IGSF11: variants seen among roughly 807,000 people sequenced by gnomAD.
IGSF11 encodes the protein CXADR like 1.
IGSF11 carries 22 observed loss-of-function variants against 41.0 expected under a neutral mutation model. That is an observed-to-expected ratio of 0.54 (90% CI 0.38 to 0.77). The LOEUF (loss-of-function observed/expected upper bound fraction) is 0.77. Ranked by LOEUF, IGSF11 falls within the 30% of genes least tolerant of loss-of-function variation. The probability of loss-of-function intolerance (pLI) is 0.00; values close to 1 mark genes in which losing one functional copy is unlikely to be tolerated. For missense variants in IGSF11, 444 were observed against 530.8 expected (o/e 0.84, Z 1.61); for synonymous variants, 219 against 201.3 (o/e 1.09, Z -0.74).
chr3:118,940,443 C>A (rs1288967516), intron 1 of IGSF11, among the ~76,000 whole-genome samples: 1 of 152,060 alleles, frequency 6.6e-6, no homozygotes, highest in Non-Finnish European at 1.5e-5. Context: ...GCATCCAAAA[C>A]ATGAAATACT....
chr3:118,924,937 G>A (rs551758023), intron 4 of IGSF11, among the ~76,000 whole-genome samples: 2 of 152,176 alleles, frequency 1.3e-5, no homozygotes, highest in South Asian at 4.1e-4. Context: ...GTCAAGACAA[G>A]GGCTATTTTA....
intron 1 of IGSF11, among the ~76,000 whole-genome samples, chr3:119,071,140 A>G (rs1269918630): frequency 6.6e-6 from 1 of 152,202 alleles, no homozygotes; most frequent in African/African-American, 2.4e-5. Flanking sequence ...AGCTTCTATG[A>G]AACAACTGGA....
intron 1 of IGSF11, among the ~76,000 whole-genome samples, chr3:119,013,763 C>T (rs948087261): frequency 6.6e-6 from 1 of 152,182 alleles, no homozygotes; most frequent in Non-Finnish European, 1.5e-5. Flanking sequence ...CAGTGGACAA[C>T]GTGTGTCTTG....
At chr3:118,923,442 G>A (rs141342830) in intron 4 of IGSF11, among the ~76,000 whole-genome samples, 118 of 152,278 alleles carry the variant, frequency 7.7e-4, no homozygotes, top group African/African-American at 2.5e-3. Context: ...TATCAAAGTC[G>A]AGAAATTTAA....
At chr3:118,925,009 CA>C (rs1559905532) in intron 4 of IGSF11, among the ~76,000 whole-genome samples, 1 of 152,076 alleles carries the variant, frequency 6.6e-6, no homozygotes, top group African/African-American at 2.4e-5. Context: ...ATTTAGCCAA[CA>C]ATGTGGCTGA....
In IGSF11 at chr3:119,123,148, A is replaced by T. The variant is rs1049811957; in HGVS notation, c.-13-17943T>A. 2.6e-5 allele frequency among the ~76,000 whole-genome samples: 4 copies of T among 152,256 alleles called. 1 individual carries two copies. Among genetic ancestry groups the T allele is most frequent in the East Asian group, 1.9e-4 (1 of 5,184 alleles). On this transcript the variant is annotated intron_variant, in intron 1 of 7. Transcript: ENST00000425327. ...GAAAAGTGAGTCCCAGCCTGGCACCATTCACCACAAGCTTCCTGAGGAGCC... is the reference window on the plus strand; with the variant it reads ...GAAAAGTGAGTCCCAGCCTGGCACCTTTCACCACAAGCTTCCTGAGGAGCC...
In IGSF11 at chr3:119,145,646, A is replaced by G. The variant is rs571980231; in HGVS notation, c.-14+167T>C. Among the ~76,000 whole-genome samples, 8 of 152,314 alleles carry G rather than the reference A, an allele frequency of 5.3e-5. No homozygotes were observed. In the South Asian group the frequency reaches 1.5e-3, roughly 28 times the overall value. On this transcript the variant is annotated intron_variant, in intron 1 of 7. Transcript: ENST00000425327. ...CACAGATCACATGTCTAATCCAGCA[A>G]GAAAACACCTTGGGGCAGGAGTTTC...
intron 1 of IGSF11, among the ~76,000 whole-genome samples, chr3:119,083,366 G>A (rs1459075558): frequency 6.6e-6 from 1 of 151,970 alleles, no homozygotes; most frequent in African/African-American, 2.4e-5. Context: ...GCCTCCCAGA[G>A]TGCTGGGATT....
At chr3:119,145,979 G>GT in exon 1 of IGSF11, 1 of 553,358 alleles carries the variant, frequency 1.8e-6, no homozygotes, top group Non-Finnish European at 3.2e-6. Context: ...AGGACATGGC[G>GT]TACTCCCTGC....
chr3:119,075,690 T>G (rs1391942486), intron 1 of IGSF11, among the ~76,000 whole-genome samples: 4 of 152,306 alleles, frequency 2.6e-5, no homozygotes, highest in Admixed American at 2.6e-4. Flanking sequence ...AATCAATAAA[T>G]GTGATTCATC....
At chr3:118,954,577 G>C (rs1198475659) in intron 1 of IGSF11, among the ~76,000 whole-genome samples, 1 of 152,076 alleles carries the variant, frequency 6.6e-6, no homozygotes, top group Non-Finnish European at 1.5e-5. Context: ...ATCTGGAATT[G>C]TAAATCCTTT....
chr3:118,983,156 T>G (rs558359961), intron 1 of IGSF11, among the ~76,000 whole-genome samples: 1 of 152,338 alleles, frequency 6.6e-6, no homozygotes, highest in Non-Finnish European at 1.5e-5. Context: ...ACTGCCTCTG[T>G]CACAATAAGA....
At chr3:118,933,436 A>G (rs1943009321) in intron 1 of IGSF11, among the ~76,000 whole-genome samples, 1 of 148,444 alleles carries the variant, frequency 6.7e-6, no homozygotes, top group East Asian at 1.9e-4. Context: ...CACCAAGTCC[A>G]CATTAAGCTC....
At chr3:119,078,331 T>C (rs1352138872) in intron 1 of IGSF11, among the ~76,000 whole-genome samples, 2 of 152,070 alleles carry the variant, frequency 1.3e-5, no homozygotes, top group African/African-American at 2.4e-5. Context: ...CCATGACCAA[T>C]GGTACACCAA....
At chr3:119,134,973 T>C (rs1328012185) in intron 1 of IGSF11, among the ~76,000 whole-genome samples, 1 of 152,224 alleles carries the variant, frequency 6.6e-6, no homozygotes. Flanking sequence ...AATGATTCCC[T>C]ATTTAAAAGT....
intron 1 of IGSF11, among the ~76,000 whole-genome samples, chr3:118,987,291 T>C (rs1054490982): frequency 6.6e-6 from 1 of 152,218 alleles, no homozygotes; most frequent in Non-Finnish European, 1.5e-5. Context: ...TCCCAGAGGA[T>C]GAGAACACCT....
intron 4 of IGSF11, among the ~76,000 whole-genome samples, chr3:118,909,773 A>G (rs1940050449): frequency 6.6e-6 from 1 of 152,238 alleles, no homozygotes; most frequent in Non-Finnish European, 1.5e-5. Flanking sequence ...GCTTTTGCCA[A>G]ATCAGATTTT....
At chr3:118,967,508 C>A (rs780065699) in intron 1 of IGSF11, among the ~76,000 whole-genome samples, 7 of 152,236 alleles carry the variant, frequency 4.6e-5, no homozygotes, top group Admixed American at 1.3e-4. Context: ...AATGGAGCTG[C>A]CTCCATCTCC....
intron 1 of IGSF11, among the ~76,000 whole-genome samples, chr3:119,026,175 G>A (rs1475934945): frequency 6.6e-6 from 1 of 152,148 alleles, no homozygotes; most frequent in East Asian, 1.9e-4. Context: ...CCTAGAATAT[G>A]TTACTTTTAG....
Sources: allele counts gnomAD v4.1 joint callset (sites outside exome capture counted in the v4.1 genomes callset), GRCh38; gene constraint gnomAD v4.1.1; transcripts MANE v1.5; gene names NCBI Gene and HGNC (gene_info 2026-07-23, HGNC 2026-07-21).